ATF1: variants seen among roughly 807,000 people sequenced by gnomAD.
ATF1 encodes activating transcription factor 1, also known as cyclic AMP-dependent transcription factor ATF-1.
A neutral mutation model predicts 34.7 loss-of-function variants in ATF1; 16 were observed. The observed-to-expected ratio is 0.46, with a 90% CI of 0.31 to 0.70. The LOEUF (loss-of-function observed/expected upper bound fraction) is 0.70. Among genes scored for constraint, ATF1 ranks in the 30% least tolerant of loss-of-function variants. The probability of loss-of-function intolerance (pLI) is 0.05; values close to 1 mark genes in which losing one functional copy is unlikely to be tolerated. For missense variants in ATF1, 255 were observed against 321.6 expected (o/e 0.79, Z 1.58); for synonymous variants, 105 against 113.1 (o/e 0.93, Z 0.46).
intron 1 of ATF1, among the ~76,000 whole-genome samples, chr12:50,767,077 G>C (rs953904798): frequency 6.6e-6 from 1 of 152,112 alleles, no homozygotes; most frequent in African/African-American, 2.4e-5. Context: ...TGGCCCCCAG[G>C]GCAATGATGC....
At chr12:50,795,767 G>A (rs912412702) in intron 2 of ATF1, 142 bp from the exon 3 acceptor site, 1 of 684,296 alleles carries the variant, frequency 1.5e-6, no homozygotes, top group Non-Finnish European at 2.4e-6. Flanking sequence ...TTTTCCTTTT[G>A]TTCCTTTCTT....
intron 3 of ATF1, among the ~76,000 whole-genome samples, chr12:50,807,183 G>A (rs1328883184): frequency 1.3e-5 from 2 of 152,104 alleles, no homozygotes; most frequent in Non-Finnish European, 2.9e-5. Flanking sequence ...CTAGGTGGGA[G>A]AATCACTTGA....
At chr12:50,781,741 G>A (rs1188877973) in intron 2 of ATF1, among the ~76,000 whole-genome samples, 1 of 151,790 alleles carries the variant, frequency 6.6e-6, no homozygotes, top group African/African-American at 2.4e-5. Context: ...GTGAGCCACC[G>A]TGCCCGGCCA....
chr12:50,801,551 T>C (rs369545521), intron 3 of ATF1, among the ~76,000 whole-genome samples: 15 of 152,240 alleles, frequency 9.9e-5, no homozygotes, highest in African/African-American at 3.1e-4. Flanking sequence ...TTCATGAATA[T>C]AGACACAAAA....
chr12:50,794,384 G>A (rs1941368716), intron 2 of ATF1, among the ~76,000 whole-genome samples: 1 of 151,212 alleles, frequency 6.6e-6, no homozygotes, highest in African/African-American at 2.4e-5. Context: ...GACCAACATG[G>A]TGAAACCCCA....
At chr12:50,780,449 A>C (rs546059040) in intron 2 of ATF1, among the ~76,000 whole-genome samples, 2 of 151,552 alleles carry the variant, frequency 1.3e-5, no homozygotes, top group East Asian at 1.9e-4. Context: ...GGTTCAAACA[A>C]TTCTCCTACC....
At chr12:50,807,026 G>A (rs913724969) in intron 3 of ATF1, among the ~76,000 whole-genome samples, 1 of 152,196 alleles carries the variant, frequency 6.6e-6, no homozygotes, top group Non-Finnish European at 1.5e-5. Flanking sequence ...AGAAGAACAC[G>A]TGAAAAAACT....
chr12:50,818,028 A>T (rs1941878051), intron 6 of ATF1, among the ~76,000 whole-genome samples: 1 of 151,714 alleles, frequency 6.6e-6, no homozygotes, highest in African/African-American at 2.4e-5. Flanking sequence ...TGACTCTGGG[A>T]TTTTTTTCCT....
chr12:50,791,354 G>C (rs1421972578), intron 2 of ATF1, among the ~76,000 whole-genome samples: 4 of 152,096 alleles, frequency 2.6e-5, no homozygotes, highest in African/African-American at 9.7e-5. Flanking sequence ...TCAGGAGTTC[G>C]AGACCAGCCT....
intron 3 of ATF1, among the ~76,000 whole-genome samples, chr12:50,802,861 G>C (rs114677543): frequency 0.055 from 4,753 of 86,406 alleles, 376 homozygotes; most frequent in African/African-American, 0.2. Context: ...ATCAGAAGGA[G>C]ACTCCATCTC....
intron 1 of ATF1, among the ~76,000 whole-genome samples, chr12:50,766,641 T>C (rs1225277341): frequency 6.6e-6 from 1 of 151,356 alleles, no homozygotes; most frequent in Non-Finnish European, 1.5e-5. Context: ...TATCTCCCAA[T>C]GCTATCCCTC....
chr12:50,812,990 A>G (rs567864680), intron 4 of ATF1, among the ~76,000 whole-genome samples: 1 of 152,358 alleles, frequency 6.6e-6, no homozygotes, highest in African/African-American at 2.4e-5. Context: ...CCTGGTAGCC[A>G]AAGCATAAAA....
At chr12:50,799,922 A>G (rs1490242565) in intron 3 of ATF1, among the ~76,000 whole-genome samples, 2 of 152,238 alleles carry the variant, frequency 1.3e-5, no homozygotes, top group Non-Finnish European at 2.9e-5. Context: ...GGAAAAAAGT[A>G]TAGCGCAGAA....
chr12:50,814,246 C>A, intron 5 of ATF1, 34 bp from the exon 6 acceptor site: 1 of 1,613,306 alleles, frequency 6.2e-7, no homozygotes. Flanking sequence ...GAGACACTTA[C>A]TAACTAACTC....
intron 1 of ATF1, among the ~76,000 whole-genome samples, chr12:50,766,199 A>G (rs1940630770): frequency 6.6e-6 from 1 of 152,172 alleles, no homozygotes; most frequent in Admixed American, 6.5e-5. Context: ...AAGCGACTAT[A>G]CTGCGGAAAC....
At chr12:50,794,124 G>C (rs1247449010) in intron 2 of ATF1, among the ~76,000 whole-genome samples, 1 of 151,554 alleles carries the variant, frequency 6.6e-6, no homozygotes, top group East Asian at 2.0e-4. Flanking sequence ...CTAATTTTTT[G>C]TATTTTTAGT....
chr12:50,788,282 A>G (rs1941227910), intron 2 of ATF1: 2 of 449,930 alleles, frequency 4.4e-6, no homozygotes, highest in Non-Finnish European at 8.9e-6. Flanking sequence ...TCCTGTGCTC[A>G]AGCAATCCTC....
At chr12:50,774,588 C>A (rs1449001334) in intron 1 of ATF1, among the ~76,000 whole-genome samples, 2 of 152,048 alleles carry the variant, frequency 1.3e-5, no homozygotes, top group Non-Finnish European at 2.9e-5. Flanking sequence ...AAGTTTTTAA[C>A]ACATTGTTAA....
chr12:50,779,595 A>G (rs1210645607), intron 1 of ATF1, among the ~76,000 whole-genome samples: 2 of 151,296 alleles, frequency 1.3e-5, no homozygotes, highest in African/African-American at 4.9e-5. Context: ...AAAAACATTA[A>G]ATTCTGTCTA....
Sources: allele counts gnomAD v4.1 joint callset (sites outside exome capture counted in the v4.1 genomes callset), GRCh38; gene constraint gnomAD v4.1.1; transcripts MANE v1.5; gene names NCBI Gene and HGNC (gene_info 2026-07-23, HGNC 2026-07-21).